The following CAMTA1 variants were observed in gnomAD, a reference collection of about 807,000 sequenced individuals.
CAMTA1 encodes the protein calmodulin-binding transcription activator 1.
In CAMTA1, 27 loss-of-function variants were observed where a neutral mutation model predicts 170.9. The ratio of observed to expected loss-of-function variants is 0.16; its 90% CI spans 0.12 to 0.22. The LOEUF (loss-of-function observed/expected upper bound fraction) is 0.22, where lower values mean the gene tolerates loss of function less well. Ranked by LOEUF, CAMTA1 falls within the 10% of genes least tolerant of loss-of-function variation. The probability of loss-of-function intolerance (pLI) is 1.00; values close to 1 mark genes in which losing one functional copy is unlikely to be tolerated. For missense variants in CAMTA1, 1,619 were observed against 2,217.2 expected, an observed-to-expected ratio of 0.73 and a Z score of 5.42; for synonymous variants, 833 against 891.5, an observed-to-expected ratio of 0.93 and a Z score of 1.17.
intron 5 of CAMTA1, among the ~76,000 whole-genome samples, chr1:7,323,652 C>T (rs1440529766): frequency 1.3e-5 from 2 of 151,550 alleles, no homozygotes; most frequent in Non-Finnish European, 2.9e-5. Flanking sequence ...CCTCCTGAGT[C>T]GGTGGGATCC....
chr1:6,912,321 C>A (rs1402061236), intron 3 of CAMTA1, among the ~76,000 whole-genome samples: 1 of 152,190 alleles, frequency 6.6e-6, no homozygotes, highest in African/African-American at 2.4e-5. Context: ...GCGGGGTAAG[C>A]AGCAGTAGCA....
intron 19 of CAMTA1, chr1:7,749,668 CT>C (rs60799863): frequency 0.013 from 4,341 of 326,036 alleles, no homozygotes; most frequent in South Asian, 0.03. Context: ...GCCAGGTTGC[CT>C]TTTTTTTTTT....
At chr1:7,745,047 A>C (rs1292498948) in intron 17 of CAMTA1, 25 bp downstream of exon 17, 1 of 1,579,418 alleles carries the variant, frequency 6.3e-7, no homozygotes, top group Non-Finnish European at 8.6e-7. Flanking sequence ...GGAGGTCACT[A>C]CCCAGCATAG....
intron 5 of CAMTA1, among the ~76,000 whole-genome samples, chr1:7,400,404 A>G (rs1036150183): frequency 6.6e-6 from 1 of 152,054 alleles, no homozygotes; most frequent in African/African-American, 2.4e-5. Context: ...TGAATTCTTT[A>G]CCCATGTTCT....
At position 7,061,897 on chromosome 1, in the gene CAMTA1, C is replaced by T. The variant is rs188467914; in HGVS notation, c.235-29407C>T. Among the ~76,000 whole-genome samples, 885 of 152,140 alleles carry T rather than the reference C, an allele frequency of 5.8e-3. 6 individuals are homozygous for T. The highest frequency in any genetic ancestry group is 8.6e-3 in the Non-Finnish European group (587 of 67,988). On this transcript the variant is annotated intron_variant, in intron 3 of 22. Transcript: ENST00000303635. ...GAGTGAGCAGAGGGCTTTAATTTGA[C>T]GGTGTATGAGGTCCTATTATATTAA... is the stretch of plus-strand genomic sequence containing the variant.
intron 5 of CAMTA1, among the ~76,000 whole-genome samples, chr1:7,276,303 A>ATATATATTTTTTTTTTTTTTTT: frequency 1.2e-4 from 3 of 24,230 alleles, no homozygotes; most frequent in African/African-American, 6.0e-4. Flanking sequence ...ATATATATAT[A>ATATATATTTTTTTTTTTTTTTT]TTTTTTTTTT....
chr1:7,646,757 G>A (rs1275094292), intron 7 of CAMTA1, among the ~76,000 whole-genome samples: 3 of 151,426 alleles, frequency 2.0e-5, no homozygotes, highest in African/African-American at 2.4e-5. Context: ...GGTGAGTGGG[G>A]TGGAGGCCAC....
In CAMTA1 at chr1:7,464,873, C is replaced by T. The variant is rs1042913844; in HGVS notation, c.439-2957C>T. On this transcript the variant is annotated intron_variant, in intron 5 of 22. Transcript: ENST00000303635. ...CCTGGCAGGACAAGGACTCTCTGAG[C>T]CCAAGTCACACATCTCCCACCCCAG... Among the ~76,000 whole-genome samples, 48 of 152,170 alleles carry T rather than the reference C, an allele frequency of 3.2e-4. 1 individual carries two copies. The highest frequency in any genetic ancestry group is 1.0e-3 in the African/African-American group (42 of 41,526).
chr1:7,601,834 G>A (rs1449456755), intron 6 of CAMTA1, among the ~76,000 whole-genome samples: 13 of 152,044 alleles, frequency 8.6e-5, no homozygotes, highest in Non-Finnish European at 1.9e-4. Context: ...GCAGGCACTC[G>A]GCAGGCTGAG....
intron 3 of CAMTA1, among the ~76,000 whole-genome samples, chr1:7,051,157 G>C (rs1438852671): frequency 6.6e-6 from 1 of 152,194 alleles, no homozygotes. Flanking sequence ...GTGCTTAGCG[G>C]AAGGTTGATA....
At chr1:7,160,313 TCCC>T (rs1191358255) in intron 4 of CAMTA1, among the ~76,000 whole-genome samples, 3 of 152,164 alleles carry the variant, frequency 2.0e-5, no homozygotes, top group African/African-American at 7.2e-5. Flanking sequence ...TCAGCTTTAC[TCCC>T]CCTGTCCCTC....
At chr1:7,392,958 C>T (rs566107897) in intron 5 of CAMTA1, among the ~76,000 whole-genome samples, 17 of 151,512 alleles carry the variant, frequency 1.1e-4, no homozygotes, top group Middle Eastern at 3.4e-3. Flanking sequence ...GAAGCTGAGG[C>T]GAGAGGATCA....
At chr1:6,966,431 C>T (rs2149553725) in intron 3 of CAMTA1, among the ~76,000 whole-genome samples, 1 of 152,220 alleles carries the variant, frequency 6.6e-6, no homozygotes, top group East Asian at 1.9e-4. Context: ...TAAATGGAAC[C>T]ATACAGTATT....
chr1:6,957,048 C>T (rs1448636297), intron 3 of CAMTA1, among the ~76,000 whole-genome samples: 1 of 152,196 alleles, frequency 6.6e-6, no homozygotes, highest in Non-Finnish European at 1.5e-5. Flanking sequence ...ACAAAACCCA[C>T]GAATCAGAGC....
Position 7,146,085 on chromosome 1 carries a change from T to A in CAMTA1, c.302+54714T>A, listed in dbSNP as rs982007320. ...CACTATGCCCAGTGCTTTAATTGGATCTTTTTTTTAAAATGGGATGATTGT... is the reference window on the plus strand; with the variant it reads ...CACTATGCCCAGTGCTTTAATTGGAACTTTTTTTTAAAATGGGATGATTGT... On this transcript the variant is annotated intron_variant, in intron 4 of 22. Coordinates refer to ENST00000303635, the MANE Select transcript of CAMTA1 (RefSeq NM_015215.4). The surrounding 1 kb of genome is among the most constrained non-coding windows in gnomAD (Gnocchi z 4.3). Among the ~76,000 whole-genome samples the A allele has an allele frequency of 6.6e-6, 1 of 152,162 alleles. No individual in the cohort carries two copies. The highest frequency in any genetic ancestry group is 2.4e-5 in the African/African-American group (1 of 41,426).
At chr1:6,823,670 G>A (rs1206252324) in intron 2 of CAMTA1, among the ~76,000 whole-genome samples, 1 of 152,104 alleles carries the variant, frequency 6.6e-6, no homozygotes, top group Non-Finnish European at 1.5e-5. Context: ...TTGAGAAGAA[G>A]TGTGTTAATC....
At chr1:6,864,796 T>A (rs544044151) in intron 3 of CAMTA1, among the ~76,000 whole-genome samples, 2 of 152,268 alleles carry the variant, frequency 1.3e-5, no homozygotes, top group Non-Finnish European at 1.5e-5. Flanking sequence ...CATGCCACAC[T>A]GTACCCCTGA....
rs554589602 is a variant in CAMTA1 at position 7,618,000 on chromosome 1, T to C, written c.511-22400T>C. ...TGGACAAGAAGTCACCCCTGTACCA[T>C]GCACACAGTGGGAGCTCCTGAATTA... is the stretch of plus-strand genomic sequence containing the variant. On this transcript the variant is annotated intron_variant, in intron 6 of 22. Coordinates refer to ENST00000303635, the MANE Select transcript of CAMTA1 (RefSeq NM_015215.4). Among the ~76,000 whole-genome samples the C allele has an allele frequency of 2.6e-5, 4 of 152,288 alleles. No individual in the cohort carries two copies. In the South Asian group the frequency reaches 8.3e-4, roughly 32 times the overall value.
intron 3 of CAMTA1, among the ~76,000 whole-genome samples, chr1:7,053,499 A>T (rs1463105247): frequency 2.6e-5 from 4 of 152,162 alleles, no homozygotes; most frequent in African/African-American, 9.7e-5. Flanking sequence ...TGAGCGTCAG[A>T]TCATGGCACG....
Sources: gnomAD v4.1 joint callset for allele counts (sites outside exome capture counted in the v4.1 genomes callset) on GRCh38, gnomAD v4.1.1 for gene constraint, Gnocchi (gnomAD v3.1) non-coding constraint, MANE v1.5 for transcripts, NCBI Gene and HGNC (gene_info 2026-07-23, HGNC 2026-07-21) for gene names.